The following BCAT1 variants were observed in gnomAD, a reference collection of about 807,000 sequenced individuals.
BCAT1 encodes branched chain amino acid transaminase 1, also known as branched-chain-amino-acid aminotransferase, cytosolic.
Under a neutral mutation model 52.4 loss-of-function variants are expected in BCAT1, and 48 were observed. The ratio of observed to expected loss-of-function variants is 0.92; its 90% CI spans 0.73 to 1.16. BCAT1 has a LOEUF of 1.16. BCAT1 is among the 50% of genes most tolerant of loss of function. The probability of loss-of-function intolerance (pLI) is 0.00; values close to 1 mark genes in which losing one functional copy is unlikely to be tolerated. For missense variants in BCAT1, 451 were observed against 457.1 expected (o/e 0.99, Z 0.12); for synonymous variants, 167 against 161.3 (o/e 1.04, Z -0.27).
intron 3 of BCAT1, among the ~76,000 whole-genome samples, chr12:24,890,635 G>A (rs1465684085): frequency 6.6e-6 from 1 of 152,168 alleles, no homozygotes; most frequent in East Asian, 1.9e-4. Context: ...ATGGTGGGAA[G>A]TTAACCTACA....
At chr12:24,870,269 T>A (rs1294058474) in intron 5 of BCAT1, among the ~76,000 whole-genome samples, 1 of 152,212 alleles carries the variant, frequency 6.6e-6, no homozygotes, top group Non-Finnish European at 1.5e-5. Flanking sequence ...TGTATGTATA[T>A]GTGTATGTTA....
At position 24,814,743 on chromosome 12, in the gene BCAT1, TA is replaced by T. The variant is rs1300491352; in HGVS notation, c.*3264del. The T allele has an allele frequency of 1.3e-5, 2 of 151,636 alleles. No individual in the cohort carries two copies. The highest frequency in any genetic ancestry group is 4.8e-5 in the African/African-American group (2 of 41,316). The allele number at this position is 151,636 out of a possible 1,614,324, so 9.4% of individuals were successfully genotyped here. ...CTTCAAGAGAGCTGACATTGCATGT[TA>T]CCATCTAGCTGATGTTACGCTCTGC... On this transcript the variant is annotated 3_prime_UTR_variant, in exon 11 of 11. Coordinates refer to ENST00000261192, the MANE Select transcript of BCAT1 (RefSeq NM_005504.7).
chr12:24,829,776 A>G (rs199951811), intron 10 of BCAT1, 47 bp downstream of exon 10: 1 of 1,255,120 alleles, frequency 8.0e-7, no homozygotes, highest in South Asian at 1.4e-5. Context: ...GTGACATAAA[A>G]AAAAGAAAAG....
Position 24,861,912 on chromosome 12 carries a change from C to T in BCAT1, c.511-11963G>A, listed in dbSNP as rs369480291. Among the ~76,000 whole-genome samples, 9 of 152,280 alleles carry T rather than the reference C, an allele frequency of 5.9e-5. No individual in the cohort carries two copies. In the East Asian group the frequency reaches 1.5e-3, roughly 26 times the overall value. On this transcript the variant is annotated intron_variant, in intron 5 of 10. Coordinates refer to ENST00000261192, the MANE Select transcript of BCAT1 (RefSeq NM_005504.7). ...AATTGACCTCTGGTCATCCTCACAGCTTATCTTAGGCTATTTATAATGCAT... is the reference window on the plus strand; with the variant it reads ...AATTGACCTCTGGTCATCCTCACAGTTTATCTTAGGCTATTTATAATGCAT...
intron 8 of BCAT1, chr12:24,834,733 C>A: frequency 1.8e-6 from 2 of 1,115,056 alleles, no homozygotes; most frequent in Non-Finnish European, 2.2e-6. Context: ...TCTACAATTG[C>A]AATTATGTTG....
At position 24,921,512 on chromosome 12, in the gene BCAT1, T is replaced by C. The variant is rs369747877; in HGVS notation, c.7-19627A>G. ...TTAGAAAAAACTGCTATGGAAACTC[T>C]TTTTCACCAATGATGATGACATACA... On this transcript the variant is annotated intron_variant, in intron 1 of 10. Transcript: ENST00000261192. 2.0e-5 allele frequency among the ~76,000 whole-genome samples: 3 copies of C among 152,312 alleles called. No homozygotes were observed. The East Asian group carries it at 5.8e-4, about 29-fold the overall frequency.
intron 5 of BCAT1, among the ~76,000 whole-genome samples, chr12:24,873,269 T>C (rs530127691): frequency 3.9e-5 from 6 of 152,238 alleles, no homozygotes; most frequent in Non-Finnish European, 8.8e-5. Context: ...CCAACTGATA[T>C]GTAATCAGCA....
At chr12:24,883,705 C>T (rs1240385748) in intron 3 of BCAT1, among the ~76,000 whole-genome samples, 3 of 152,148 alleles carry the variant, frequency 2.0e-5, no homozygotes, top group Non-Finnish European at 4.4e-5. Flanking sequence ...GCACCAGGGA[C>T]CAGTTTTGTG....
intron 4 of BCAT1, among the ~76,000 whole-genome samples, chr12:24,880,039 C>A (rs1942450006): frequency 6.6e-6 from 1 of 152,190 alleles, no homozygotes; most frequent in Non-Finnish European, 1.5e-5. Context: ...TTCCCCTCTG[C>A]TACTATATTA....
chr12:24,817,945 C>G lies in BCAT1; in HGVS notation c.*63G>C. ...GAAATCTATCACAATTCAAATGCAA[C>G]AGTCTGTCCCAGTAGCATACAGTTG... On this transcript the variant is annotated 3_prime_UTR_variant, in exon 11 of 11. Coordinates refer to ENST00000261192, the MANE Select transcript of BCAT1 (RefSeq NM_005504.7). 6.5e-7 allele frequency: 1 copy of G among 1,534,546 alleles called. No individual in the cohort carries two copies.
chr12:24,877,937 A>G (rs1298449858), intron 5 of BCAT1, among the ~76,000 whole-genome samples: 2 of 152,104 alleles, frequency 1.3e-5, no homozygotes, highest in Non-Finnish European at 2.9e-5. Context: ...GAGGATTGCT[A>G]GAGGCCAGGA....
At chr12:24,891,253 TC>T (rs927830941) in intron 3 of BCAT1, among the ~76,000 whole-genome samples, 4 of 152,142 alleles carry the variant, frequency 2.6e-5, no homozygotes, top group African/African-American at 7.2e-5. Flanking sequence ...GGAAGAGCCT[TC>T]AACTCCTTGA....
At chr12:24,910,285 G>A (rs544737120) in intron 1 of BCAT1, among the ~76,000 whole-genome samples, 102 of 152,152 alleles carry the variant, frequency 6.7e-4, no homozygotes, top group African/African-American at 2.4e-3. Context: ...GCTGAGGCAG[G>A]AGGATCACTT....
At chr12:24,854,388 A>AT (rs5797106) in intron 5 of BCAT1, among the ~76,000 whole-genome samples, 7 of 151,958 alleles carry the variant, frequency 4.6e-5, no homozygotes, top group African/African-American at 1.7e-4. Flanking sequence ...AAGCAAGACA[A>AT]TTTTTTTTTT....
chr12:24,894,402 G>A lies in BCAT1; in HGVS notation c.152C>T (p.Thr51Ile), dbSNP rs1334014092. Residue 51 changes from threonine to isoleucine, a missense_variant, in exon 3 of 11, where the codon ACT (threonine) becomes ATT (isoleucine). Thr to Ile is a moderately conservative substitution (Grantham distance 89). Coordinates refer to ENST00000261192, the MANE Select transcript of BCAT1 (RefSeq NM_005504.7). ...KPDPNNLVFGTVFTDHMLTVE... is the reference protein window; with the variant it reads ...KPDPNNLVFGIVFTDHMLTVE... ...CGTCAGCATATGATCCGTGAACACAGTTCCAAAAACCAGATTATTGGGGTC... is the reference window on the plus strand; with the variant it reads ...CGTCAGCATATGATCCGTGAACACAATTCCAAAAACCAGATTATTGGGGTC... 1 of 1,613,116 alleles carries A rather than the reference G, an allele frequency of 6.2e-7. No homozygotes were observed.
chr12:24,935,596 A>G (rs1434175550), intron 1 of BCAT1, among the ~76,000 whole-genome samples: 2 of 152,174 alleles, frequency 1.3e-5, no homozygotes, highest in African/African-American at 4.8e-5. Context: ...TTTACAAACC[A>G]GGTATCCTGA....
chr12:24,932,975 C>A (rs1591887150), intron 1 of BCAT1, among the ~76,000 whole-genome samples: 1 of 152,060 alleles, frequency 6.6e-6, no homozygotes, highest in South Asian at 2.1e-4. Context: ...CCACACTTGG[C>A]TAATTTTTGT....
At chr12:24,845,752 G>C (rs1941325260) in intron 6 of BCAT1, among the ~76,000 whole-genome samples, 1 of 152,146 alleles carries the variant, frequency 6.6e-6, no homozygotes, top group Non-Finnish European at 1.5e-5. Context: ...ATGAAATTAA[G>C]TTTTTTAAAA....
chr12:24,840,677 A>C (rs1161348968), intron 7 of BCAT1, among the ~76,000 whole-genome samples: 1 of 152,212 alleles, frequency 6.6e-6, no homozygotes, highest in East Asian at 1.9e-4. Context: ...TAGTCTCTGC[A>C]ACTAACACTA....
Sources: gnomAD v4.1 joint callset for allele counts (sites outside exome capture counted in the v4.1 genomes callset) on GRCh38, gnomAD v4.1.1 for gene constraint, MANE v1.5 for transcripts, NCBI Gene and HGNC (gene_info 2026-07-23, HGNC 2026-07-21) for gene names.